Variants in LRRC4C observed in about 807,000 individuals in gnomAD.
LRRC4C encodes leucine rich repeat containing 4C, also known as leucine-rich repeat-containing protein 4C.
Under a neutral mutation model 33.6 loss-of-function variants are expected in LRRC4C, and 5 were observed. The ratio of observed to expected loss-of-function variants is 0.15; its 90% CI spans 0.08 to 0.31. LRRC4C has a LOEUF of 0.31. Among genes scored for constraint, LRRC4C ranks in the 10% least tolerant of loss-of-function variants. The probability of loss-of-function intolerance (pLI) is 1.00; values close to 1 mark genes in which losing one functional copy is unlikely to be tolerated. For missense variants in LRRC4C, 560 were observed against 796.7 expected (o/e 0.70, Z 3.58); for synonymous variants, 329 against 302.0 (o/e 1.09, Z -0.93).
Position 40,123,448 on chromosome 11 carries a change from G to T in LRRC4C, c.-42-7114C>A, listed in dbSNP as rs142997904. ...TAAGTAGCATTTCTAAATACCAATC[G>T]CAAACAATCTGAAAAAAGAAATCAA... On this transcript the variant is annotated intron_variant, in intron 6 of 6. Coordinates refer to ENST00000528697, the MANE Select transcript of LRRC4C (RefSeq NM_001258419.2). 8.0e-3 allele frequency among the ~76,000 whole-genome samples: 1,209 copies of T among 151,918 alleles called. 21 individuals carry two copies. Among genetic ancestry groups the T allele is most frequent in the African/African-American group, 0.028 (1,148 of 41,456 alleles).
chr11:40,934,929 C>T (rs1206498723), intron 1 of LRRC4C, among the ~76,000 whole-genome samples: 1 of 152,126 alleles, frequency 6.6e-6, no homozygotes, highest in Non-Finnish European at 1.5e-5. Flanking sequence ...CTCCTCAGGT[C>T]AGAACAACAT....
chr11:40,597,597 C>T (rs912267485), intron 3 of LRRC4C, among the ~76,000 whole-genome samples: 1 of 151,588 alleles, frequency 6.6e-6, no homozygotes, highest in Non-Finnish European at 1.5e-5. Flanking sequence ...AGTTGAGGAA[C>T]ATCAAACAGG....
At chr11:41,257,182 AC>A (rs1948829336) in intron 1 of LRRC4C, among the ~76,000 whole-genome samples, 1 of 151,864 alleles carries the variant, frequency 6.6e-6, no homozygotes, top group Non-Finnish European at 1.5e-5. Context: ...ACCAGCCATC[AC>A]CCCCTACAAA....
chr11:40,117,800 A>T (rs1299849989), intron 6 of LRRC4C, among the ~76,000 whole-genome samples: 1 of 151,994 alleles, frequency 6.6e-6, no homozygotes, highest in Non-Finnish European at 1.5e-5. Context: ...CAAGTTACTT[A>T]TCCTTTCTGT....
At chr11:40,542,929 C>T (rs539962447) in intron 3 of LRRC4C, among the ~76,000 whole-genome samples, 4 of 152,064 alleles carry the variant, frequency 2.6e-5, no homozygotes, top group Non-Finnish European at 5.9e-5. Context: ...TTACATTTTA[C>T]ACATTTGTTG....
At chr11:40,143,161 T>G (rs1469232477) in intron 5 of LRRC4C, among the ~76,000 whole-genome samples, 1 of 152,154 alleles carries the variant, frequency 6.6e-6, no homozygotes, top group Admixed American at 6.5e-5. Flanking sequence ...TATTCTGTTT[T>G]TTTCTCCAAA....
In LRRC4C at chr11:40,371,603, C is replaced by T. The variant is rs16934761; in HGVS notation, c.-269-51882G>A. 4.9e-3 allele frequency among the ~76,000 whole-genome samples: 741 copies of T among 152,234 alleles called. 7 individuals are homozygous for T. Among genetic ancestry groups the T allele is most frequent in the African/African-American group, 0.016 (649 of 41,548 alleles). On this transcript the variant is annotated intron_variant, in intron 3 of 6. Transcript: ENST00000528697. ...GCATTTTAACCCTTTCGGATACAAT[C>T]GTGGGTTTAATTAACTCTTATTGAG... is the stretch of plus-strand genomic sequence containing the variant.
chr11:40,495,519 T>A (rs1954385578), intron 3 of LRRC4C, among the ~76,000 whole-genome samples: 1 of 152,072 alleles, frequency 6.6e-6, no homozygotes, highest in African/African-American at 2.4e-5. Flanking sequence ...TTCCCCAAGT[T>A]GAGATATTAC....
intron 1 of LRRC4C, among the ~76,000 whole-genome samples, chr11:41,168,111 C>T (rs559525957): frequency 7.4e-4 from 112 of 152,214 alleles, no homozygotes; most frequent in Non-Finnish European, 7.8e-4. Flanking sequence ...GCATATATAT[C>T]CCACCTGCAG....
At chr11:40,602,798 A>G (rs1300999869) in intron 3 of LRRC4C, among the ~76,000 whole-genome samples, 2 of 152,174 alleles carry the variant, frequency 1.3e-5, no homozygotes, top group African/African-American at 4.8e-5. Flanking sequence ...TTCGAAAGGT[A>G]CCTTGTGAGG....
At chr11:41,195,253 T>A (rs1279995386) in intron 1 of LRRC4C, among the ~76,000 whole-genome samples, 2 of 152,134 alleles carry the variant, frequency 1.3e-5, no homozygotes, top group African/African-American at 4.8e-5. Context: ...AAATACTATT[T>A]AAATTAGTCT....
chr11:40,784,080 T>TTA (rs10691904), intron 2 of LRRC4C, among the ~76,000 whole-genome samples: 60,276 of 150,662 alleles, frequency 0.4, 16,488 homozygotes, highest in African/African-American at 0.79. Flanking sequence ...AGATGTTTAT[T>TTA]TATATATATA....
In LRRC4C at chr11:40,673,918, C is replaced by T. The variant is rs117129399; in HGVS notation, c.-406-25640G>A. 5.1e-3 allele frequency among the ~76,000 whole-genome samples: 784 copies of T among 152,240 alleles called. 21 individuals carry two copies. The highest frequency in any genetic ancestry group is 0.031 in the East Asian group (161 of 5,168). ...AGTGTTGGTTCTGCAGGCAATGCAC[C>T]ATTGTATATTCATGAACCATCGCTT... On this transcript the variant is annotated intron_variant, in intron 2 of 6. Transcript: ENST00000528697.
intron 4 of LRRC4C, among the ~76,000 whole-genome samples, chr11:40,303,309 T>C (rs1944869757): frequency 6.6e-6 from 1 of 152,146 alleles, no homozygotes; most frequent in Admixed American, 6.6e-5. Context: ...TTTGTGTATG[T>C]GTGTGAGTGT....
intron 1 of LRRC4C, among the ~76,000 whole-genome samples, chr11:41,443,050 T>TTATTTATC (rs149985314): frequency 0.035 from 5,290 of 149,956 alleles, 337 homozygotes; most frequent in African/African-American, 0.12. Context: ...CCCCTTCTAG[T>TTATTTATC]TATTTATTTA....
intron 1 of LRRC4C, among the ~76,000 whole-genome samples, chr11:41,395,537 T>C (rs1953775564): frequency 6.6e-6 from 1 of 152,070 alleles, no homozygotes; most frequent in East Asian, 1.9e-4. Context: ...ATCATTAGTG[T>C]CTTAAATTAC....
At chr11:40,260,839 T>C (rs939579790) in intron 4 of LRRC4C, among the ~76,000 whole-genome samples, 5 of 152,164 alleles carry the variant, frequency 3.3e-5, no homozygotes, top group Non-Finnish European at 7.3e-5. Context: ...AAATGCAAAA[T>C]GCATGGCATA....
chr11:40,722,784 G>T (rs893588970), intron 2 of LRRC4C, among the ~76,000 whole-genome samples: 1 of 152,146 alleles, frequency 6.6e-6, no homozygotes, highest in Non-Finnish European at 1.5e-5. Context: ...GACAGACATA[G>T]AATTCAGAAT....
chr11:40,888,883 T>G (rs1205052789), intron 2 of LRRC4C, among the ~76,000 whole-genome samples: 1 of 152,020 alleles, frequency 6.6e-6, no homozygotes, highest in East Asian at 1.9e-4. Context: ...GCTTATCTTC[T>G]TTTATTTTTC....
Sources: allele counts gnomAD v4.1 joint callset (sites outside exome capture counted in the v4.1 genomes callset), GRCh38; gene constraint gnomAD v4.1.1; transcripts MANE v1.5; gene names NCBI Gene and HGNC (gene_info 2026-07-23, HGNC 2026-07-21).